FBF1: variants seen among roughly 807,000 people sequenced by gnomAD.
FBF1 encodes Fas binding factor 1.
FBF1 carries 119 observed loss-of-function variants against 147.2 expected under a neutral mutation model. The ratio of observed to expected loss-of-function variants is 0.81; its 90% CI spans 0.70 to 0.94. The LOEUF is 0.94. FBF1 is among the 40% of genes least tolerant of loss of function. The pLI, the probability that FBF1 is intolerant of heterozygous loss-of-function variation, is 0.00. For synonymous variants in FBF1, 601 were observed against 609.0 expected, an observed-to-expected ratio of 0.99 and a Z score of 0.19; for missense variants, 1,449 against 1,500.8, an observed-to-expected ratio of 0.97 and a Z score of 0.57.
intron 5 of FBF1, 95 bp downstream of exon 5, chr17:75,932,900 G>T: frequency 7.5e-5 from 50 of 664,848 alleles, no homozygotes; most frequent in Non-Finnish European, 1.1e-4. Context: ...AAAAAAAAAT[G>T]GCGAGCAAAT....
chr17:75,927,974 G>T, intron 8 of FBF1, 102 bp downstream of exon 8: 1 of 919,356 alleles, frequency 1.1e-6, no homozygotes, highest in Non-Finnish European at 1.7e-6. Context: ...AAAACCCAAG[G>T]ACATGAACGC....
At position 75,919,542 on chromosome 17, in the gene FBF1, C is replaced by T. The variant is rs912920285; in HGVS notation, c.2138+126G>A. 2 of 1,073,150 alleles carry T rather than the reference C, an allele frequency of 1.9e-6. No homozygotes were observed. Among genetic ancestry groups the T allele is most frequent in the Non-Finnish European group, 2.7e-6 (2 of 748,682 alleles). 66.5% of individuals were successfully genotyped at this position (1,073,150 alleles called of 1,614,324 possible). A position where few individuals can be genotyped will look rare whatever the true frequency, so the allele number is the denominator to read the frequency against. Reference sequence around the variant, plus strand: ...CAGCCCTCAGTCCTCACTCACTGGACTGGGAGGGAAGGACCCAACCCCTGT... The same window carrying T: ...CAGCCCTCAGTCCTCACTCACTGGATTGGGAGGGAAGGACCCAACCCCTGT... On this transcript the variant is annotated intron_variant, in intron 20 of 29. Coordinates refer to ENST00000636174, the MANE Select transcript of FBF1 (RefSeq NM_001319193.2). The surrounding 1 kb of genome is among the most constrained non-coding windows in gnomAD (Gnocchi z 5.0).
chr17:75,920,833 G>C (rs1181112740), intron 17 of FBF1, among the ~76,000 whole-genome samples: 1 of 63,328 alleles, frequency 1.6e-5, no homozygotes, highest in Non-Finnish European at 3.0e-5. Flanking sequence ...ACACTCCTGG[G>C]GGGGGGGGGG....
rs749948662 is a variant in FBF1 at position 75,923,309 on chromosome 17, T to C, written c.1301A>G (p.Lys434Arg). ...CAGGGCATGGCTCAGCCAGTCCTCT[T>C]TCTCCTCCTTGGAGGCTCGCAGCTT... ...ASKLRASKEEKEDWLSHALSR... is the reference protein window; with the variant it reads ...ASKLRASKEEREDWLSHALSR... Residue 434 changes from lysine (K) to arginine (R), a missense_variant, in exon 14 of 30, where the codon AAA (lysine) becomes AGA (arginine). By Grantham distance (26) the Lys-to-Arg change is conservative. Transcript: ENST00000636174. This position sits in a 1 kb window ranked among gnomAD's most constrained non-coding sequence, Gnocchi z 4.1. The C allele has an allele frequency of 6.3e-6, 10 of 1,595,520 alleles. 1 individual carries two copies. In the South Asian group the frequency reaches 1.1e-4, roughly 18 times the overall value.
intron 17 of FBF1, among the ~76,000 whole-genome samples, chr17:75,920,768 G>A (rs1476951842): frequency 6.6e-6 from 1 of 150,658 alleles, no homozygotes; most frequent in East Asian, 2.0e-4. Context: ...AAGCCCACAT[G>A]TTGACACTAA....
At chr17:75,935,560 T>A in intron 4 of FBF1, 72 bp downstream of exon 4, 1 of 1,457,898 alleles carries the variant, frequency 6.9e-7, no homozygotes, top group East Asian at 2.5e-5. Context: ...GGGACCAGCC[T>A]GGGCAACATA....
chr17:75,933,553 A>C (rs2065606922), intron 4 of FBF1, among the ~76,000 whole-genome samples: 1 of 152,180 alleles, frequency 6.6e-6, no homozygotes, highest in South Asian at 2.1e-4. Context: ...CCTGGGTGAC[A>C]GGAGCTTTGT....
chr17:75,937,805 G>C, intron 2 of FBF1: 1 of 651,476 alleles, frequency 1.5e-6, no homozygotes, highest in East Asian at 2.7e-5. Flanking sequence ...CCAGCGATGG[G>C]TGCCAATGGG....
Position 75,919,785 on chromosome 17 carries a change from G to A in FBF1, c.2021C>T (p.Ser674Leu), listed in dbSNP as rs1345148688. 26 of 1,613,552 alleles carry A rather than the reference G, an allele frequency of 1.6e-5. No individual in the cohort carries two copies. Among genetic ancestry groups the A allele is most frequent in the African/African-American group, 2.7e-5 (2 of 74,922 alleles). Residue 674 changes from serine to leucine, a missense_variant, in exon 20 of 30, where the codon TCG becomes TTG. Physicochemically the swap from Ser to Leu is moderately radical, Grantham distance 145. Transcript: ENST00000636174. The surrounding 1 kb of genome is among the most constrained non-coding windows in gnomAD (Gnocchi z 5.0). ...ENEELSARYL[S>L]QCQEAEQARA... The stretch of plus-strand genomic sequence containing the variant: ...GGCCTGTTCGGCCTCCTGGCACTGC[G>A]ACAGATACCGAGCTGACAGCTCTTC...
chr17:75,912,904 G>T (rs2065464154), intron 28 of FBF1, among the ~76,000 whole-genome samples: 2 of 152,004 alleles, frequency 1.3e-5, no homozygotes, highest in Admixed American at 6.6e-5. Context: ...GCCAGGCATG[G>T]TAGCACATGC....
intron 3 of FBF1, among the ~76,000 whole-genome samples, chr17:75,936,532 G>C (rs549942705): frequency 6.6e-6 from 1 of 151,636 alleles, no homozygotes; most frequent in Non-Finnish European, 1.5e-5. Context: ...AAAATTAGCC[G>C]GGCATGGTGA....
chr17:75,931,126 GC>G, intron 6 of FBF1, 102 bp downstream of exon 6: 3 of 1,195,330 alleles, frequency 2.5e-6, no homozygotes, highest in Non-Finnish European at 2.4e-6. Context: ...AAGTGACTTT[GC>G]AGGGACTTCT....
At chr17:75,935,059 G>A (rs185505027) in intron 4 of FBF1, among the ~76,000 whole-genome samples, 1 of 152,166 alleles carries the variant, frequency 6.6e-6, no homozygotes, top group East Asian at 1.9e-4. Context: ...GATGGAAAAT[G>A]TTCCGGAATT....
Position 75,928,089 on chromosome 17 carries a change from G to C in FBF1, c.384C>G (p.His128Gln). Residue 128 changes from histidine (H) to glutamine (Q), a missense_variant, in exon 8 of 30, where the codon CAC (histidine) becomes CAG (glutamine). By Grantham distance (24) the His-to-Gln change is conservative. Coordinates refer to ENST00000636174, the MANE Select transcript of FBF1 (RefSeq NM_001319193.2). The surrounding 1 kb of genome is among the most constrained non-coding windows in gnomAD (Gnocchi z 4.2). ...KDPGKGELPN[H>Q]PKPAGGAIPT... The stretch of plus-strand genomic sequence containing the variant: ...CTACTGACCCACCTGCAGGCTTGGG[G>C]TGGTTGGGCAGCTCTCCTTTCCCAG... 6.2e-7 allele frequency: 1 copy of C among 1,613,490 alleles called. No homozygotes were observed. Among genetic ancestry groups the C allele is most frequent in the South Asian group, 1.1e-5 (1 of 91,056 alleles).
intron 10 of FBF1, 94 bp downstream of exon 10, chr17:75,926,652 TGGTCCCCACCTG>T: frequency 6.7e-7 from 1 of 1,494,820 alleles, no homozygotes; most frequent in Non-Finnish European, 9.0e-7. Flanking sequence ...CTTAGACCTC[TGGTCCCCACCTG>T]GGAGAGGCCT....
At chr17:75,924,570 A>C (rs2144176000) in intron 13 of FBF1, among the ~76,000 whole-genome samples, 1 of 152,202 alleles carries the variant, frequency 6.6e-6, no homozygotes, top group East Asian at 1.9e-4. Context: ...TTCCGCCTCT[A>C]GGATTCAAGC....
intron 22 of FBF1, 39 bp downstream of exon 22, chr17:75,917,892 C>T: frequency 6.3e-7 from 1 of 1,586,796 alleles, no homozygotes; most frequent in South Asian, 1.1e-5. Flanking sequence ...GCTCCCCCTT[C>T]CCACCAGGAG....
In FBF1 at chr17:75,925,954, T is replaced by C; in HGVS notation, c.868+76A>G. On this transcript the variant is annotated intron_variant, in intron 12 of 29. Transcript: ENST00000636174. The surrounding 1 kb of genome is among the most constrained non-coding windows in gnomAD (Gnocchi z 5.0). ...TGTATCAGGATGTGAGGCTGATTTC[T>C]CATTATAGGTTGTGATGAAAGCCTG... 1 of 1,492,510 alleles carries C rather than the reference T, an allele frequency of 6.7e-7. No homozygotes were observed. Among genetic ancestry groups the C allele is most frequent in the South Asian group, 1.4e-5 (1 of 73,012 alleles). 92.5% of individuals were successfully genotyped at this position (1,492,510 alleles called of 1,614,324 possible).
rs564688580 is a variant in FBF1, at chr17:75,911,528, A to G, written c.3363+664T>C. On this transcript the variant is annotated intron_variant, in intron 29 of 29. Transcript: ENST00000636174. ...TGCCCAGCTAATTTTTAAATTTTTA[A>G]TATTTATTTTTTTGAGACAGAGTCT... Among the ~76,000 whole-genome samples, 519 of 151,852 alleles carry G rather than the reference A, an allele frequency of 3.4e-3. 5 individuals are homozygous for G. Among genetic ancestry groups the G allele is most frequent in the African/African-American group, 0.012 (498 of 41,382 alleles).
Sources: allele counts gnomAD v4.1 joint callset (sites outside exome capture counted in the v4.1 genomes callset), GRCh38; gene constraint gnomAD v4.1.1; non-coding constraint Gnocchi (gnomAD v3.1); transcripts MANE v1.5; gene names NCBI Gene and HGNC (gene_info 2026-07-23, HGNC 2026-07-21).